The following BBX variants were observed in gnomAD, a reference collection of about 807,000 sequenced individuals.
The protein encoded by BBX is BBX high mobility group box domain containing, also known as HMG box transcription factor BBX.
A neutral mutation model predicts 100.2 loss-of-function variants in BBX; 30 were observed. That is an observed-to-expected ratio of 0.30 (90% CI 0.22 to 0.41). BBX has a LOEUF of 0.41. Ranked by LOEUF, BBX falls within the 10% of genes least tolerant of loss-of-function variation. The probability of loss-of-function intolerance (pLI) is 1.00; values close to 1 mark genes in which losing one functional copy is unlikely to be tolerated. For missense variants in BBX, 1,023 were observed against 1,129.8 expected (o/e 0.91, Z 1.35); for synonymous variants, 376 against 388.1 (o/e 0.97, Z 0.37).
chr3:107,534,632 G>A lies in BBX; in HGVS notation c.-84+8234G>A, dbSNP rs144485715. The stretch of plus-strand genomic sequence containing the variant: ...ACACCTTTGTTTGAGTTTAAAGATC[G>A]ATTTGTAGTTTTTGAGTCCTTTTGG... On this transcript the variant is annotated intron_variant, in intron 2 of 17. Transcript: ENST00000325805. Among the ~76,000 whole-genome samples the A allele has an allele frequency of 8.7e-3, 1,322 of 152,170 alleles. 23 individuals carry two copies. The highest frequency in any genetic ancestry group is 0.03 in the African/African-American group (1,258 of 41,512).
chr3:107,716,522 A>G, intron 4 of BBX, 85 bp from the exon 5 acceptor site: 1 of 1,509,432 alleles, frequency 6.6e-7, no homozygotes. Flanking sequence ...TAAGAAAAAA[A>G]TACAATTTGC....
At chr3:107,648,036 A>T (rs1206528623) in intron 3 of BBX, among the ~76,000 whole-genome samples, 3 of 152,156 alleles carry the variant, frequency 2.0e-5, no homozygotes, top group African/African-American at 7.2e-5. Context: ...GTAAGAGGGG[A>T]TAGGGAAAGA....
chr3:107,668,549 G>T (rs921133390), intron 3 of BBX, among the ~76,000 whole-genome samples: 1 of 152,168 alleles, frequency 6.6e-6, no homozygotes, highest in Non-Finnish European at 1.5e-5. Context: ...TACCTGCTAA[G>T]AACCACTCTG....
In BBX at chr3:107,805,546, A is replaced by G. The variant is rs2108072071; in HGVS notation, c.*89A>G. The G allele has an allele frequency of 6.2e-7, 1 of 1,606,958 alleles. No individual in the cohort carries two copies. Among genetic ancestry groups the G allele is most frequent in the East Asian group, 2.2e-5 (1 of 44,708 alleles). On this transcript the variant is annotated 3_prime_UTR_variant, in exon 18 of 18. Coordinates refer to ENST00000325805, the MANE Select transcript of BBX (RefSeq NM_001142568.3). Reference sequence around the variant, plus strand: ...ATGCTAGTGAGTCCAAGTGGTGGAAAATATAGACTGCAAACAAGTGCTTGT... The same window carrying G: ...ATGCTAGTGAGTCCAAGTGGTGGAAGATATAGACTGCAAACAAGTGCTTGT...
chr3:107,648,648 T>G (rs2057666229), intron 3 of BBX, among the ~76,000 whole-genome samples: 1 of 152,142 alleles, frequency 6.6e-6, no homozygotes, highest in South Asian at 2.1e-4. Context: ...ATAGGGAGCT[T>G]AACAGTTGCA....
intron 10 of BBX, among the ~76,000 whole-genome samples, chr3:107,768,796 A>T (rs1312872203): frequency 6.6e-6 from 1 of 150,886 alleles, no homozygotes; most frequent in Non-Finnish European, 1.5e-5. Flanking sequence ...ATTCCTATCA[A>T]CTGACAAGTA....
chr3:107,698,852 G>GT (rs1205816850), intron 3 of BBX, among the ~76,000 whole-genome samples: 3 of 151,864 alleles, frequency 2.0e-5, no homozygotes, highest in East Asian at 3.9e-4. Flanking sequence ...AAATCACCAG[G>GT]TGTTTTAGTT....
At chr3:107,794,082 T>G (rs1415841258) in intron 15 of BBX, among the ~76,000 whole-genome samples, 1 of 152,192 alleles carries the variant, frequency 6.6e-6, no homozygotes, top group Non-Finnish European at 1.5e-5. Flanking sequence ...TGTGTTTATC[T>G]TTCCACCTAG....
chr3:107,584,785 G>A (rs1368862620), intron 2 of BBX, among the ~76,000 whole-genome samples: 1 of 139,212 alleles, frequency 7.2e-6, no homozygotes, highest in African/African-American at 2.8e-5. Flanking sequence ...TCCGCCTTCC[G>A]GGTTCAAGCA....
At chr3:107,799,158 A>AAAC (rs1231115160) in intron 16 of BBX, among the ~76,000 whole-genome samples, 1 of 151,942 alleles carries the variant, frequency 6.6e-6, no homozygotes, top group Non-Finnish European at 1.5e-5. Flanking sequence ...TCAAAAAAAA[A>AAAC]AACAACAACA....
At chr3:107,604,451 G>A (rs1206929333) in intron 2 of BBX, among the ~76,000 whole-genome samples, 1 of 152,046 alleles carries the variant, frequency 6.6e-6, no homozygotes, top group Non-Finnish European at 1.5e-5. Context: ...TCCTGGAATT[G>A]CTCTTGTTTG....
chr3:107,665,831 G>C (rs2058712620), intron 3 of BBX, among the ~76,000 whole-genome samples: 1 of 152,110 alleles, frequency 6.6e-6, no homozygotes, highest in East Asian at 1.9e-4. Context: ...CTTTGAGTCA[G>C]TATTGATTCT....
intron 10 of BBX, among the ~76,000 whole-genome samples, chr3:107,760,677 T>C (rs2065826916): frequency 6.7e-6 from 1 of 148,744 alleles, no homozygotes; most frequent in South Asian, 2.2e-4. Flanking sequence ...GGAGAAAATA[T>C]TAGCAGGCAT....
At chr3:107,604,039 C>CA (rs764775537) in intron 2 of BBX, among the ~76,000 whole-genome samples, 3 of 152,202 alleles carry the variant, frequency 2.0e-5, no homozygotes, top group East Asian at 3.9e-4. Flanking sequence ...TTACCGTGGT[C>CA]ATTCTCAAGT....
rs1334977455 is a variant in BBX at position 107,806,561 on chromosome 3, A to G, written c.*1104A>G. ...GTGTTGTTTAGGAGGTACTGAGTCAATGATGAGGGAGGTATGCCTGACCAG... is the reference window on the plus strand; with the variant it reads ...GTGTTGTTTAGGAGGTACTGAGTCAGTGATGAGGGAGGTATGCCTGACCAG... On this transcript the variant is annotated 3_prime_UTR_variant, in exon 18 of 18. Transcript: ENST00000325805. 2 of 152,006 alleles carry G rather than the reference A, an allele frequency of 1.3e-5. No homozygotes were observed. Among genetic ancestry groups the G allele is most frequent in the African/African-American group, 2.4e-5 (1 of 41,396 alleles). 9.4% of individuals were successfully genotyped at this position (152,006 alleles called of 1,614,324 possible). A position where few individuals can be genotyped will look rare whatever the true frequency, so the allele number is the denominator to read the frequency against.
In BBX at chr3:107,549,573, C is replaced by G. The variant is rs116020923; in HGVS notation, c.-84+23175C>G. 1.7e-3 allele frequency among the ~76,000 whole-genome samples: 256 copies of G among 152,280 alleles called. 1 individual carries two copies. Among genetic ancestry groups the G allele is most frequent in the African/African-American group, 5.9e-3 (246 of 41,554 alleles). ...TTTCTGCACCATTTTTAGAGTAGCT[C>G]TGGCAGACTTGGAGACATTCCTGTT... On this transcript the variant is annotated intron_variant, in intron 2 of 17. Transcript: ENST00000325805.
Position 107,772,954 on chromosome 3 carries a change from T to C in BBX, c.1233T>C (p.Tyr411=). ...HKCSHFPDFS[Y]SASSKIIISD... The stretch of plus-strand genomic sequence containing the variant: ...GTAGTCATTTTCCTGATTTTTCTTA[T>C]TCTGCCAGTAGCAAGATAATAATTA... The change falls in exon 11 of 18, where the codon TAT becomes TAC. Residue 411 remains tyrosine (Y), a synonymous_variant. Transcript: ENST00000325805. The C allele has an allele frequency of 6.2e-7, 1 of 1,612,744 alleles. No homozygotes were observed. The highest frequency in any genetic ancestry group is 8.5e-7 in the Non-Finnish European group (1 of 1,179,694).
intron 2 of BBX, among the ~76,000 whole-genome samples, chr3:107,572,605 G>T (rs2051453352): frequency 6.6e-6 from 1 of 151,982 alleles, no homozygotes; most frequent in African/African-American, 2.4e-5. Context: ...CATCAATATG[G>T]TATAATCATT....
chr3:107,671,543 G>A (rs1022352111), intron 3 of BBX, among the ~76,000 whole-genome samples: 1 of 152,078 alleles, frequency 6.6e-6, no homozygotes, highest in South Asian at 2.1e-4. Context: ...ATAATTTTGT[G>A]TGTATTATTT....
Sources: gnomAD v4.1 joint callset for allele counts (sites outside exome capture counted in the v4.1 genomes callset) on GRCh38, gnomAD v4.1.1 for gene constraint, MANE v1.5 for transcripts, NCBI Gene and HGNC (gene_info 2026-07-23, HGNC 2026-07-21) for gene names.